Variants in PALM2AKAP2 observed in about 807,000 individuals in gnomAD.
PALM2AKAP2 encodes the protein PALM2-AKAP2 fusion protein.
Under a neutral mutation model 71.5 loss-of-function variants are expected in PALM2AKAP2, and 37 were observed. The ratio of observed to expected loss-of-function variants is 0.52; its 90% CI spans 0.40 to 0.68. The LOEUF (loss-of-function observed/expected upper bound fraction) is 0.68, where lower values mean the gene tolerates loss of function less well. Among genes scored for constraint, PALM2AKAP2 ranks in the 30% least tolerant of loss-of-function variants. PALM2AKAP2 has a pLI of 0.00. For synonymous variants in PALM2AKAP2, 468 were observed against 478.8 expected (o/e 0.98, Z 0.29); for missense variants, 1,224 against 1,191.8 (o/e 1.03, Z -0.40).
At chr9:109,776,593 C>A (rs969010522), upstream of PALM2AKAP2, among the ~76,000 whole-genome samples, 3 of 152,218 alleles carry the variant, frequency 2.0e-5, no homozygotes, top group Non-Finnish European at 4.4e-5. Context: ...ACCATGGCTT[C>A]AGGGGGATCT....
chr9:109,899,591 C>A (rs974704560), intron 3 of PALM2AKAP2, among the ~76,000 whole-genome samples: 4 of 152,180 alleles, frequency 2.6e-5, no homozygotes, highest in African/African-American at 9.6e-5. Flanking sequence ...AGATAAAGTT[C>A]AACTTCCTTA....
chr9:109,775,496 A>G (rs2118776082), upstream of PALM2AKAP2, among the ~76,000 whole-genome samples: 1 of 152,352 alleles, frequency 6.6e-6, no homozygotes, highest in South Asian at 2.1e-4. Context: ...AAGAGCTAAC[A>G]ACCACAGGAG....
At chr9:110,070,106 C>A (rs907781176) in intron 1 of PALM2AKAP2, among the ~76,000 whole-genome samples, 7 of 152,146 alleles carry the variant, frequency 4.6e-5, no homozygotes, top group African/African-American at 1.7e-4. Flanking sequence ...CCTAGCAGAG[C>A]GGTACTGACA....
At chr9:110,111,729 G>C (rs1254961158) in intron 1 of PALM2AKAP2, among the ~76,000 whole-genome samples, 2 of 150,008 alleles carry the variant, frequency 1.3e-5, no homozygotes, top group Non-Finnish European at 3.0e-5. Flanking sequence ...TTTTTATTTT[G>C]CATCCAGCGT....
rs117969155 is a variant in PALM2AKAP2, at chr9:110,023,446, T to C, written c.582+7407T>C. Among the ~76,000 whole-genome samples the C allele has an allele frequency of 5.3e-3, 797 of 151,310 alleles. 7 individuals carry two copies. Among genetic ancestry groups the C allele is most frequent in the Middle Eastern group, 0.037 (11 of 294 alleles). ...TCTCCTGCTAAGCCTCCTGAGTAGATGGGATTAACAGGCCTGTGCCACCAC... is the reference window on the plus strand; with the variant it reads ...TCTCCTGCTAAGCCTCCTGAGTAGACGGGATTAACAGGCCTGTGCCACCAC... On this transcript the variant is annotated intron_variant, in intron 7 of 9. Coordinates refer to the PALM2AKAP2 transcript ENST00000302798.
At chr9:110,069,988 C>G (rs186105088) in intron 1 of PALM2AKAP2, among the ~76,000 whole-genome samples, 2 of 152,332 alleles carry the variant, frequency 1.3e-5, no homozygotes, top group East Asian at 3.9e-4. Flanking sequence ...TGGAGGGAGG[C>G]TGCTTGCTAA....
rs71373968 is a variant in PALM2AKAP2 at position 110,100,051 on chromosome 9, CTATATATATATATATA to C, written c.157-36061_157-36046del. 3.2e-4 allele frequency among the ~76,000 whole-genome samples: 35 copies of C among 109,482 alleles called. No individual in the cohort carries two copies. The South Asian group carries it at 9.4e-3, about 30-fold the overall frequency. 71.8% of individuals were successfully genotyped at this position (109,482 alleles called of 152,430 possible). On this transcript the variant is annotated intron_variant, in intron 1 of 3. Transcript: ENST00000374525. ...AACATATATGCATATGTATGTGTGT[CTATATATATATATATA>C]TATATATATATATAGAAACATAAAT...
At chr9:110,087,545 G>C (rs7852370) in intron 1 of PALM2AKAP2, among the ~76,000 whole-genome samples, 43,304 of 152,048 alleles carry the variant, frequency 0.28, 8,116 homozygotes, top group African/African-American at 0.53. Flanking sequence ...GGCTCCTTCA[G>C]TTCCTTGTCA....
At chr9:109,641,456 A>T (rs1160211660) in intron 1 of PALM2AKAP2, among the ~76,000 whole-genome samples, 5 of 152,378 alleles carry the variant, frequency 3.3e-5, no homozygotes, top group Non-Finnish European at 7.3e-5. Flanking sequence ...GAGTGGAATT[A>T]CAACGTTTGG....
At chr9:109,953,834 C>CAAAAAAAA (rs34719180) in intron 6 of PALM2AKAP2, among the ~76,000 whole-genome samples, 6 of 48,618 alleles carry the variant, frequency 1.2e-4, no homozygotes, top group Admixed American at 2.2e-4. Context: ...GACTCCATCT[C>CAAAAAAAA]AAAAAAAAAA....
At chr9:110,001,730 G>A (rs1002854654) in intron 6 of PALM2AKAP2, among the ~76,000 whole-genome samples, 1 of 152,074 alleles carries the variant, frequency 6.6e-6, no homozygotes, top group African/African-American at 2.4e-5. Context: ...GGTCCTTCAT[G>A]TCCCTTGTAA....
intron 1 of PALM2AKAP2, among the ~76,000 whole-genome samples, chr9:109,712,903 T>C (rs1296376151): frequency 6.6e-6 from 1 of 152,220 alleles, no homozygotes; most frequent in African/African-American, 2.4e-5. Flanking sequence ...TGAGCTGAAG[T>C]GAAATATGCT....
chr9:109,928,493 C>A (rs1831007473), intron 5 of PALM2AKAP2, among the ~76,000 whole-genome samples: 1 of 152,098 alleles, frequency 6.6e-6, no homozygotes. Context: ...TTAATTGAGG[C>A]CACCTGAAGA....
At position 110,034,009 on chromosome 9, in the gene PALM2AKAP2, G is replaced by T. The variant is rs60174462; in HGVS notation, c.582+17970G>T. On this transcript the variant is annotated intron_variant, in intron 7 of 9. Transcript: ENST00000302798. The stretch of plus-strand genomic sequence containing the variant: ...CAGGGAGATAAAGTAACCTATGGAA[G>T]GTCCTGCTCAGAATCAGTGGAAGAA... 4.8e-3 allele frequency among the ~76,000 whole-genome samples: 727 copies of T among 152,260 alleles called. 40 individuals are homozygous for T. In the East Asian group the frequency reaches 0.1, roughly 22 times the overall value.
At chr9:110,124,979 C>T (rs1835565112) in intron 1 of PALM2AKAP2, among the ~76,000 whole-genome samples, 1 of 152,070 alleles carries the variant, frequency 6.6e-6, no homozygotes, top group African/African-American at 2.4e-5. Flanking sequence ...AAAATATTAA[C>T]TTTTTTTCTG....
chr9:109,998,631 G>T (rs1832619297), intron 6 of PALM2AKAP2, among the ~76,000 whole-genome samples: 1 of 140,284 alleles, frequency 7.1e-6, no homozygotes, highest in Non-Finnish European at 1.6e-5. Context: ...CAGGGCGGGG[G>T]AGTGGGGAGC....
chr9:110,125,360 C>T (rs999322077), intron 1 of PALM2AKAP2: 43 of 326,078 alleles, frequency 1.3e-4, no homozygotes, highest in African/African-American at 7.6e-4. Context: ...CTGGGAATGC[C>T]GCTGCCCTCC....
intron 1 of PALM2AKAP2, among the ~76,000 whole-genome samples, chr9:110,132,659 A>C (rs1835760826): frequency 6.6e-6 from 1 of 152,036 alleles, no homozygotes; most frequent in East Asian, 1.9e-4. Flanking sequence ...TTCCTCACCC[A>C]GACTGGAATG....
intron 1 of PALM2AKAP2, among the ~76,000 whole-genome samples, chr9:110,130,812 T>C (rs1375105709): frequency 6.6e-6 from 1 of 152,202 alleles, no homozygotes; most frequent in Non-Finnish European, 1.5e-5. Context: ...GTTCGCTCTA[T>C]TGGCATATCC....
Sources: gnomAD v4.1 joint callset for allele counts (sites outside exome capture counted in the v4.1 genomes callset) on GRCh38, gnomAD v4.1.1 for gene constraint, MANE v1.5 for transcripts, NCBI Gene and HGNC (gene_info 2026-07-23, HGNC 2026-07-21) for gene names.